Variants in SPOCK3 observed in about 807,000 individuals in gnomAD.
SPOCK3 encodes the protein testican-3.
A neutral mutation model predicts 56.6 loss-of-function variants in SPOCK3; 30 were observed. That is an observed-to-expected ratio of 0.53 (90% CI 0.40 to 0.72). The LOEUF (loss-of-function observed/expected upper bound fraction) is 0.72, where lower values mean the gene tolerates loss of function less well. Among genes scored for constraint, SPOCK3 ranks in the 30% least tolerant of loss-of-function variants. The pLI, the probability that SPOCK3 is intolerant of heterozygous loss-of-function variation, is 0.00. For missense variants in SPOCK3, 527 were observed against 530.0 expected, an observed-to-expected ratio of 0.99 and a Z score of 0.06; for synonymous variants, 196 against 183.3, an observed-to-expected ratio of 1.07 and a Z score of -0.56.
intron 2 of SPOCK3, among the ~76,000 whole-genome samples, chr4:167,167,125 C>T (rs1015957320): frequency 3.9e-5 from 6 of 152,080 alleles, no homozygotes; most frequent in Non-Finnish European, 5.9e-5. Context: ...TTCACCTTGA[C>T]ATTTTGTACT....
rs540708935 is a variant in SPOCK3 at position 167,195,946 on chromosome 4, C to T, written c.189+38039G>A. 2.6e-5 allele frequency among the ~76,000 whole-genome samples: 4 copies of T among 152,280 alleles called. No homozygotes were observed. In the South Asian group the frequency reaches 8.3e-4, roughly 32 times the overall value. On this transcript the variant is annotated intron_variant, in intron 2 of 10. Transcript: ENST00000357545. ...GGGGAAATACCCAGTGGGGAGCCTCCTATTCTGTCGTATTGCTGATGTCAC... is the reference window on the plus strand; with the variant it reads ...GGGGAAATACCCAGTGGGGAGCCTCTTATTCTGTCGTATTGCTGATGTCAC...
At chr4:166,860,307 C>G (rs944614748) in intron 6 of SPOCK3, among the ~76,000 whole-genome samples, 28 of 152,052 alleles carry the variant, frequency 1.8e-4, no homozygotes, top group African/African-American at 6.7e-4. Context: ...TCACCTCTTA[C>G]CTGGGGTAGA....
At chr4:166,937,738 T>A (rs915696457) in intron 4 of SPOCK3, among the ~76,000 whole-genome samples, 10 of 141,574 alleles carry the variant, frequency 7.1e-5, no homozygotes, top group South Asian at 2.3e-4. Flanking sequence ...ATTATATATA[T>A]TTTTTCTTTT....
rs562994001 is a variant in SPOCK3, at chr4:166,926,728, T to A, written c.351-13985A>T. The stretch of plus-strand genomic sequence containing the variant: ...AGGAGAAACTAGTAATAGGTATGTA[T>A]GGAATAATTATTTTTAGACAAAAAT... On this transcript the variant is annotated intron_variant, in intron 4 of 10. Coordinates refer to ENST00000357545, the MANE Select transcript of SPOCK3 (RefSeq NM_001040159.2). Among the ~76,000 whole-genome samples, 24 of 152,288 alleles carry A rather than the reference T, an allele frequency of 1.6e-4. No homozygotes were observed. In the South Asian group the frequency reaches 4.8e-3, roughly 30 times the overall value.
rs183153261 is a variant in SPOCK3 at position 166,936,543 on chromosome 4, T to C, written c.351-23800A>G. 1.9e-3 allele frequency among the ~76,000 whole-genome samples: 287 copies of C among 152,208 alleles called. 1 individual carries two copies. Among genetic ancestry groups the C allele is most frequent in the African/African-American group, 6.8e-3 (282 of 41,556 alleles). On this transcript the variant is annotated intron_variant, in intron 4 of 10. Transcript: ENST00000357545. ...TAGCCCTTAGGATTTTTTTAATGTC[T>C]GTAGGATCTCTAGTTATCCAGTGGC...
At chr4:167,154,420 A>C (rs1764652195) in intron 2 of SPOCK3, among the ~76,000 whole-genome samples, 1 of 152,154 alleles carries the variant, frequency 6.6e-6, no homozygotes, top group Admixed American at 6.6e-5. Flanking sequence ...GTGGTCAGCA[A>C]CCGAGAAAAA....
At chr4:166,827,154 G>A (rs562038422) in intron 6 of SPOCK3, among the ~76,000 whole-genome samples, 8 of 151,914 alleles carry the variant, frequency 5.3e-5, no homozygotes, top group Non-Finnish European at 8.8e-5. Flanking sequence ...TTTCTGGAGC[G>A]TATAGCCTGA....
intron 3 of SPOCK3, among the ~76,000 whole-genome samples, chr4:167,008,819 T>C (rs1410652207): frequency 4.6e-5 from 7 of 151,814 alleles, no homozygotes; most frequent in Admixed American, 3.9e-4. Flanking sequence ...ATGGAAACAA[T>C]AGACAGTGGG....
At chr4:167,061,548 T>C (rs1240126289) in intron 3 of SPOCK3, among the ~76,000 whole-genome samples, 1 of 151,950 alleles carries the variant, frequency 6.6e-6, no homozygotes, top group Admixed American at 6.6e-5. Flanking sequence ...ACAGGTGGTT[T>C]CTCACTCATA....
chr4:167,207,619 CTAATA>C (rs1011298032), intron 2 of SPOCK3, among the ~76,000 whole-genome samples: 1 of 152,072 alleles, frequency 6.6e-6, no homozygotes, highest in Admixed American at 6.6e-5. Flanking sequence ...AATATTTCTT[CTAATA>C]TCTCATTTTA....
intron 2 of SPOCK3, among the ~76,000 whole-genome samples, chr4:167,141,071 C>T (rs1240253656): frequency 6.6e-6 from 1 of 151,910 alleles, no homozygotes; most frequent in East Asian, 1.9e-4. Context: ...AGGAGTTGGC[C>T]TCCTGAGAAG....
intron 6 of SPOCK3, among the ~76,000 whole-genome samples, chr4:166,860,802 CATAT>C: frequency 9.8e-6 from 1 of 101,938 alleles, no homozygotes; most frequent in Non-Finnish European, 2.0e-5. Flanking sequence ...CACACAAATT[CATAT>C]ATATATATAT....
intron 3 of SPOCK3, among the ~76,000 whole-genome samples, chr4:167,002,284 T>C (rs1295421720): frequency 6.6e-6 from 1 of 152,144 alleles, no homozygotes; most frequent in Non-Finnish European, 1.5e-5. Context: ...AATACAGATA[T>C]AAGCTATAAT....
At chr4:167,025,252 A>C (rs1440525123) in intron 3 of SPOCK3, among the ~76,000 whole-genome samples, 2 of 150,090 alleles carry the variant, frequency 1.3e-5, no homozygotes, top group Non-Finnish European at 3.0e-5. Context: ...AAAACTGCCC[A>C]TCTGCAGATG....
intron 2 of SPOCK3, among the ~76,000 whole-genome samples, chr4:167,213,945 A>G (rs1258506207): frequency 6.6e-6 from 1 of 152,120 alleles, no homozygotes; most frequent in Non-Finnish European, 1.5e-5. Context: ...TGATTTAAAT[A>G]TTTGTCTTTT....
At chr4:167,006,369 A>T (rs1338123546) in intron 3 of SPOCK3, among the ~76,000 whole-genome samples, 1 of 152,074 alleles carries the variant, frequency 6.6e-6, no homozygotes, top group Non-Finnish European at 1.5e-5. Flanking sequence ...TGACCTTTAT[A>T]TTCTCTATAA....
chr4:167,149,744 ATGT>A (rs536260017), intron 2 of SPOCK3, among the ~76,000 whole-genome samples: 1 of 151,986 alleles, frequency 6.6e-6, no homozygotes, highest in South Asian at 2.1e-4. Context: ...AAAATATCAA[ATGT>A]TATTATTATT....
intron 6 of SPOCK3, among the ~76,000 whole-genome samples, chr4:166,843,833 A>G (rs1422214259): frequency 6.6e-6 from 1 of 152,216 alleles, no homozygotes; most frequent in Admixed American, 6.5e-5. Context: ...GGATGTTGCC[A>G]AAGGTGACAT....
At chr4:166,831,106 T>C (rs1201067518) in intron 6 of SPOCK3, among the ~76,000 whole-genome samples, 1 of 152,214 alleles carries the variant, frequency 6.6e-6, no homozygotes, top group Non-Finnish European at 1.5e-5. Context: ...TTTTAATTTG[T>C]TATCGTGTAG....
Sources: allele counts gnomAD v4.1 joint callset (sites outside exome capture counted in the v4.1 genomes callset), GRCh38; gene constraint gnomAD v4.1.1; transcripts MANE v1.5; gene names NCBI Gene and HGNC (gene_info 2026-07-23, HGNC 2026-07-21).